ZNF529: variants seen among roughly 807,000 people sequenced by gnomAD.
The protein encoded by ZNF529 is zinc finger protein 529.
In ZNF529, 11 loss-of-function variants were observed where a neutral mutation model predicts 10.1. The observed-to-expected ratio is 1.09, with a 90% CI of 0.69 to 1.81. The LOEUF (loss-of-function observed/expected upper bound fraction) is 1.81, where lower values mean the gene tolerates loss of function less well. ZNF529 is among the 40% of genes most tolerant of loss of function. The pLI, the probability that ZNF529 is intolerant of heterozygous loss-of-function variation, is 0.00. For synonymous variants in ZNF529, 204 were observed against 215.7 expected (o/e 0.95, Z 0.47); for missense variants, 624 against 666.8 (o/e 0.94, Z 0.71).
chr19:36,566,474 GCCCAGGA>G (rs1006967208), intron 2 of ZNF529, among the ~76,000 whole-genome samples: 2 of 152,072 alleles, frequency 1.3e-5, no homozygotes, highest in Admixed American at 6.6e-5. Flanking sequence ...GATCGCTTGA[GCCCAGGA>G]GTTCAAGACC....
At chr19:36,596,811 C>T (rs1255808466) in intron 1 of ZNF529, among the ~76,000 whole-genome samples, 2 of 152,088 alleles carry the variant, frequency 1.3e-5, no homozygotes, top group African/African-American at 2.4e-5. Flanking sequence ...TGAGACCCCA[C>T]GCCCAGCCTT....
At position 36,556,202 on chromosome 19, in the gene ZNF529, A is replaced by G. The variant is rs1210671309; in HGVS notation, c.15-5T>C. The G allele has an allele frequency of 7.6e-6, 8 of 1,057,670 alleles. No individual in the cohort carries two copies. Among genetic ancestry groups the G allele is most frequent in the Non-Finnish European group, 1.1e-5 (8 of 695,808 alleles). 65.5% of individuals were successfully genotyped at this position (1,057,670 alleles called of 1,614,324 possible). On this transcript the variant is annotated splice_polypyrimidine_tract_variant and splice_region_variant and intron_variant, in intron 2 of 4. Coordinates refer to ENST00000591340, the MANE Select transcript of ZNF529 (RefSeq NM_020951.5). ...TGGACATGATCCCCAATGAAACTGT[A>G]AAAATTATTTTTTAAGAAAGAACCA...
At chr19:36,561,595 A>C (rs2035699080) in intron 2 of ZNF529, among the ~76,000 whole-genome samples, 1 of 152,152 alleles carries the variant, frequency 6.6e-6, no homozygotes, top group Non-Finnish European at 1.5e-5. Context: ...CACTGCAGAC[A>C]GTCCCCCCTA....
At chr19:36,579,312 A>G (rs996834238) in intron 2 of ZNF529, among the ~76,000 whole-genome samples, 1 of 152,360 alleles carries the variant, frequency 6.6e-6, no homozygotes. Context: ...GCATGGCTAT[A>G]GTAGTATCAG....
chr19:36,551,271 A>G (rs1245606551), intron 4 of ZNF529, among the ~76,000 whole-genome samples: 1 of 152,182 alleles, frequency 6.6e-6, no homozygotes, highest in Admixed American at 6.5e-5. Flanking sequence ...TATCCAATTC[A>G]ATGCTGGGTC....
Position 36,543,673 on chromosome 19 carries a change from G to A in ZNF529, c.*3193C>T, listed in dbSNP as rs2034918519. On this transcript the variant is annotated 3_prime_UTR_variant, in exon 5 of 5. Transcript: ENST00000591340. ...GTTCTAATTAAAATAGGGATTAGCA[G>A]GTTTAATTCCTGGTAAGGGCTCTCT... 2 of 152,056 alleles carry A rather than the reference G, an allele frequency of 1.3e-5. No individual in the cohort carries two copies. The highest frequency in any genetic ancestry group is 4.2e-4 in the South Asian group (2 of 4,816). 9.4% of individuals were successfully genotyped at this position (152,056 alleles called of 1,614,324 possible).
chr19:36,566,558 G>A (rs1456672052), intron 2 of ZNF529, among the ~76,000 whole-genome samples: 1 of 145,746 alleles, frequency 6.9e-6, no homozygotes, highest in African/African-American at 2.5e-5. Context: ...GCATGGTGGT[G>A]CTCACCTGTG....
intron 1 of ZNF529, chr19:36,604,879 C>G (rs549877693): frequency 1.3e-5 from 2 of 151,420 alleles, no homozygotes; most frequent in East Asian, 4.0e-4. Flanking sequence ...GCTGTGCACA[C>G]ACACCCCCTG....
intron 2 of ZNF529, among the ~76,000 whole-genome samples, chr19:36,578,766 G>A (rs928752286): frequency 6.6e-6 from 1 of 151,862 alleles, no homozygotes; most frequent in African/African-American, 2.4e-5. Flanking sequence ...ACACTTGGCT[G>A]ATTTTTGTGT....
chr19:36,556,047 G>C, intron 3 of ZNF529, 57 bp downstream of exon 3: 4 of 1,529,650 alleles, frequency 2.6e-6, no homozygotes, highest in Non-Finnish European at 3.5e-6. Flanking sequence ...AGAGGTGTTT[G>C]GTAGGAAGAA....
intron 4 of ZNF529, chr19:36,551,779 T>C (rs115549452): frequency 7.9e-4 from 121 of 152,326 alleles, no homozygotes; most frequent in African/African-American, 2.9e-3. Flanking sequence ...CAGAGATTGG[T>C]TTCTGACCAC....
chr19:36,581,418 A>G lies in ZNF529; in HGVS notation c.-41+8197T>C, dbSNP rs1233270352. On this transcript the variant is annotated intron_variant, in intron 2 of 4. Transcript: ENST00000585960. ...GAATGTTAAGTACTTAAATAAAAAA[A>G]GGAGAAATTCATAGCAGCATTATTC... The G allele has an allele frequency of 3.3e-5, 5 of 152,262 alleles. No homozygotes were observed. In the East Asian group the frequency reaches 9.6e-4, roughly 29 times the overall value. The allele number at this position is 152,262 out of a possible 1,614,324, so 9.4% of individuals were successfully genotyped here.
intron 2 of ZNF529, among the ~76,000 whole-genome samples, chr19:36,588,213 C>G (rs1001243705): frequency 6.6e-6 from 1 of 152,170 alleles, no homozygotes; most frequent in African/African-American, 2.4e-5. Flanking sequence ...TTGAATTGTA[C>G]ACTTTAAATG....
intron 4 of ZNF529, among the ~76,000 whole-genome samples, chr19:36,548,587 T>A (rs1431127422): frequency 6.6e-6 from 1 of 152,202 alleles, no homozygotes; most frequent in African/African-American, 2.4e-5. Context: ...AATCTGTAGA[T>A]GTAGAACTAG....
chr19:36,547,667 A>T lies in ZNF529; in HGVS notation c.891T>A (p.Leu297=). The stretch of plus-strand genomic sequence containing the variant: ...CAGTATGGATTTTCTGATGTCGAGT[A>T]AGTTGTGCATGCACTCTAAAGGATT... The part of the protein sequence containing the change: ...CGKSFRVHAQ[L]TRHQKIHTDE... Residue 297 remains leucine, a synonymous_variant, in exon 5 of 5, where the codon CTT becomes CTA. Coordinates refer to ENST00000591340, the MANE Select transcript of ZNF529 (RefSeq NM_020951.5). 1 of 1,613,870 alleles carries T rather than the reference A, an allele frequency of 6.2e-7. No homozygotes were observed. Among genetic ancestry groups the T allele is most frequent in the Non-Finnish European group, 8.5e-7 (1 of 1,179,816 alleles).
intron 2 of ZNF529, among the ~76,000 whole-genome samples, chr19:36,561,314 CA>C (rs1303675638): frequency 6.6e-6 from 1 of 151,924 alleles, no homozygotes; most frequent in Non-Finnish European, 1.5e-5. Context: ...TCAGCATCCA[CA>C]TGGTACTGAT....
At chr19:36,550,212 A>C (rs533717073) in intron 4 of ZNF529, among the ~76,000 whole-genome samples, 1 of 152,348 alleles carries the variant, frequency 6.6e-6, no homozygotes, top group East Asian at 1.9e-4. Flanking sequence ...TGCCAGTATC[A>C]GTAAATCAAA....
intron 1 of ZNF529, among the ~76,000 whole-genome samples, chr19:36,598,486 T>C (rs2036875184): frequency 6.6e-6 from 1 of 151,712 alleles, no homozygotes. Context: ...CAACCCAGCC[T>C]GGGTGACAGA....
chr19:36,565,765 C>T (rs2035873634), intron 2 of ZNF529, among the ~76,000 whole-genome samples: 1 of 152,128 alleles, frequency 6.6e-6, no homozygotes, highest in Non-Finnish European at 1.5e-5. Context: ...AAGTCTATTG[C>T]ATCTTGGGCT....
Sources: gnomAD v4.1 joint callset for allele counts (sites outside exome capture counted in the v4.1 genomes callset) on GRCh38, gnomAD v4.1.1 for gene constraint, MANE v1.5 for transcripts, NCBI Gene and HGNC (gene_info 2026-07-23, HGNC 2026-07-21) for gene names.